CSMD1: variants seen among roughly 807,000 people sequenced by gnomAD.
CSMD1 encodes the protein CUB and sushi domain-containing protein 1.
In CSMD1, 213 loss-of-function variants were observed where a neutral mutation model predicts 417.5. That is an observed-to-expected ratio of 0.51 (90% CI 0.46 to 0.57). The LOEUF is 0.57. Ranked by LOEUF, CSMD1 falls within the 20% of genes least tolerant of loss-of-function variation. The pLI, the probability that CSMD1 is intolerant of heterozygous loss-of-function variation, is 0.00. For missense variants in CSMD1, 6,923 were observed against 4,529.7 expected (o/e 1.53, Z -15.17); for synonymous variants, 2,862 against 1,736.8 (o/e 1.65, Z -16.11).
intron 3 of CSMD1, among the ~76,000 whole-genome samples, chr8:4,308,022 C>G (rs1798344161): frequency 6.6e-6 from 1 of 152,150 alleles, no homozygotes; most frequent in Non-Finnish European, 1.5e-5. Context: ...GGTGGGCATA[C>G]TACAGAGCAA....
intron 26 of CSMD1, among the ~76,000 whole-genome samples, chr8:3,247,615 C>T (rs1452616324): frequency 6.6e-6 from 1 of 152,182 alleles, no homozygotes; most frequent in Non-Finnish European, 1.5e-5. Flanking sequence ...GAACATCAGC[C>T]AGAGGTGGCC....
At chr8:4,367,820 T>C (rs1014180733) in intron 3 of CSMD1, among the ~76,000 whole-genome samples, 2 of 152,180 alleles carry the variant, frequency 1.3e-5, no homozygotes, top group Non-Finnish European at 2.9e-5. Context: ...CTTTGTGCTA[T>C]TTTTAAATAG....
chr8:3,869,721 G>A (rs139906256), intron 5 of CSMD1, among the ~76,000 whole-genome samples: 1 of 152,068 alleles, frequency 6.6e-6, no homozygotes, highest in Non-Finnish European at 1.5e-5. Context: ...AGCTCATCCT[G>A]GCAGGACCCA....
chr8:3,799,900 A>C (rs1028981714), intron 5 of CSMD1, among the ~76,000 whole-genome samples: 1 of 152,154 alleles, frequency 6.6e-6, no homozygotes, highest in African/African-American at 2.4e-5. Context: ...ATATAATTGA[A>C]AAATTAATGC....
At chr8:3,522,920 TATC>T (rs879642562) in intron 10 of CSMD1, among the ~76,000 whole-genome samples, 104 of 150,384 alleles carry the variant, frequency 6.9e-4, no homozygotes, top group Non-Finnish European at 1.0e-3. Flanking sequence ...ATGTATAAAA[TATC>T]AATATATTTA....
At chr8:3,972,850 A>G (rs77226519) in intron 5 of CSMD1, among the ~76,000 whole-genome samples, 8,579 of 152,284 alleles carry the variant, frequency 0.056, 407 homozygotes, top group African/African-American at 0.12. Context: ...TTACCTCAGA[A>G]TCTTATAAAA....
intron 4 of CSMD1, among the ~76,000 whole-genome samples, chr8:4,025,448 A>G (rs1797011493): frequency 1.3e-5 from 2 of 152,254 alleles, no homozygotes; most frequent in African/African-American, 4.8e-5. Flanking sequence ...AATCAATAAT[A>G]AAGTATGGGA....
intron 3 of CSMD1, among the ~76,000 whole-genome samples, chr8:4,270,843 C>T (rs939526845): frequency 6.6e-6 from 1 of 152,206 alleles, no homozygotes; most frequent in Non-Finnish European, 1.5e-5. Flanking sequence ...GACTTCCCCA[C>T]TTACTCACTG....
At chr8:3,001,227 C>T (rs1807382481) in intron 52 of CSMD1, among the ~76,000 whole-genome samples, 1 of 152,046 alleles carries the variant, frequency 6.6e-6, no homozygotes, top group Non-Finnish European at 1.5e-5. Flanking sequence ...AACTCCTGAG[C>T]TTAAGCAATC....
intron 6 of CSMD1, among the ~76,000 whole-genome samples, chr8:3,733,898 G>A (rs1159677859): frequency 6.6e-6 from 1 of 152,132 alleles, no homozygotes; most frequent in Non-Finnish European, 1.5e-5. Context: ...TACGAGAAAA[G>A]CATAGTTTAT....
rs77214069 is a variant in CSMD1 at position 3,731,346 on chromosome 8, T to C, written c.931+22584A>G. On this transcript the variant is annotated intron_variant, in intron 6 of 69. Coordinates refer to ENST00000635120, the MANE Select transcript of CSMD1 (RefSeq NM_033225.6). ...CTCTTGAAAGAAAGAGATGGAGGAATATTTCATTTTAGTGGAAGTTCAGGC... is the reference window on the plus strand; with the variant it reads ...CTCTTGAAAGAAAGAGATGGAGGAACATTTCATTTTAGTGGAAGTTCAGGC... Among the ~76,000 whole-genome samples the C allele has an allele frequency of 8.6e-3, 1,314 of 152,292 alleles. 26 individuals carry two copies. The highest frequency in any genetic ancestry group is 0.03 in the African/African-American group (1,258 of 41,554).
intron 3 of CSMD1, among the ~76,000 whole-genome samples, chr8:4,204,913 G>A (rs939980082): frequency 6.6e-6 from 1 of 152,060 alleles, no homozygotes; most frequent in Admixed American, 6.5e-5. Context: ...TCCCATCTCA[G>A]CTTCCCAAAG....
At chr8:3,932,913 T>G (rs1159989498) in intron 5 of CSMD1, among the ~76,000 whole-genome samples, 2 of 150,586 alleles carry the variant, frequency 1.3e-5, no homozygotes, top group Non-Finnish European at 3.0e-5. Flanking sequence ...CACACTTCTA[T>G]TTAGTAAAGT....
chr8:4,815,372 G>A (rs1363038160), intron 1 of CSMD1, among the ~76,000 whole-genome samples: 4 of 152,112 alleles, frequency 2.6e-5, no homozygotes, highest in Non-Finnish European at 4.4e-5. Flanking sequence ...TTGTGGACAC[G>A]TAGCCATGTG....
intron 66 of CSMD1, 116 bp downstream of exon 66, chr8:2,950,998 A>G (rs688579): frequency 0.81 from 842,622 of 1,044,098 alleles, 341,012 homozygotes; most frequent in East Asian, 0.88. Flanking sequence ...TACAGTATAT[A>G]CAAAGCCAAC....
At chr8:4,072,420 A>G (rs943439043) in intron 3 of CSMD1, among the ~76,000 whole-genome samples, 3 of 152,170 alleles carry the variant, frequency 2.0e-5, no homozygotes, top group South Asian at 2.1e-4. Flanking sequence ...TTACACCATT[A>G]TATTATTTCA....
chr8:4,338,656 C>T (rs1378985305), intron 3 of CSMD1, among the ~76,000 whole-genome samples: 1 of 152,102 alleles, frequency 6.6e-6, no homozygotes, highest in Non-Finnish European at 1.5e-5. Flanking sequence ...AAAATGTGCT[C>T]ACGGGTGAGT....
At chr8:3,593,407 T>G (rs892348064) in intron 8 of CSMD1, among the ~76,000 whole-genome samples, 1 of 152,152 alleles carries the variant, frequency 6.6e-6, no homozygotes, top group African/African-American at 2.4e-5. Flanking sequence ...CTCCCCCAGG[T>G]CCACCTGCCT....
At chr8:3,777,121 T>G (rs1798933403) in intron 5 of CSMD1, among the ~76,000 whole-genome samples, 1 of 146,514 alleles carries the variant, frequency 6.8e-6, no homozygotes, top group Non-Finnish European at 1.5e-5. Context: ...TATCTATACC[T>G]ACACACACAC....
Sources: allele counts gnomAD v4.1 joint callset (sites outside exome capture counted in the v4.1 genomes callset), GRCh38; gene constraint gnomAD v4.1.1; transcripts MANE v1.5; gene names NCBI Gene and HGNC (gene_info 2026-07-23, HGNC 2026-07-21).